NKX2-2: variants seen among roughly 807,000 people sequenced by gnomAD.
The protein encoded by NKX2-2 is homeobox protein Nkx-2.2.
In NKX2-2, 8 loss-of-function variants were observed where a neutral mutation model predicts 24.6. The ratio of observed to expected loss-of-function variants is 0.32; its 90% CI spans 0.19 to 0.59. The LOEUF (loss-of-function observed/expected upper bound fraction) is 0.59. NKX2-2 is among the 20% of genes least tolerant of loss of function. The pLI, the probability that NKX2-2 is intolerant of heterozygous loss-of-function variation, is 0.86. For missense variants in NKX2-2, 381 were observed against 373.9 expected (o/e 1.02, Z -0.16); for synonymous variants, 217 against 173.3 (o/e 1.25, Z -1.98).
At position 21,512,375 on chromosome 20, in the gene NKX2-2, C is replaced by G; in HGVS notation, c.370G>C (p.Asp124His). The G allele has an allele frequency of 1.2e-6, 2 of 1,602,136 alleles. No homozygotes were observed. Among genetic ancestry groups the G allele is most frequent in the East Asian group, 2.2e-5 (1 of 44,546 alleles). The change falls in exon 2 of 2, where the codon GAC becomes CAC. Residue 124 changes from aspartate (D) to histidine (H), a missense_variant. By Grantham distance (81) the Asp-to-His change is moderately conservative. Around this residue, in one of 3 missense-constraint regions of NKX2-2, gnomAD observed 206 missense variants for 173.1 expected, o/e 1.19. Transcript: ENST00000377142. ...CGCCGCTTTCGCTTCTTGCCGGCGT[C>G]CCCCCCGCCGCCCGGGGTCTCCTTG... ...NDKETPGGGG[D>H]AGKKRKRRVL...
At chr20:21,512,600 C>A (rs908304023) in intron 1 of NKX2-2, 115 bp from the exon 2 acceptor site, 1 of 776,454 alleles carries the variant, frequency 1.3e-6, no homozygotes, top group Non-Finnish European at 2.0e-6. Flanking sequence ...CGCCTGGCAG[C>A]CCAGCCCCGC....
At chr20:21,521,749 C>G in the NKX2-2 span, among the ~76,000 whole-genome samples, 1 of 152,216 alleles carries the variant, frequency 6.6e-6, no homozygotes, top group African/African-American at 2.4e-5. Context: ...CCCCGCCAGC[C>G]GAGGCGCAAC....
chr20:21,512,003 T>G lies in NKX2-2; in HGVS notation c.742A>C (p.Asn248His), dbSNP rs766228125. The G allele has an allele frequency of 8.7e-6, 14 of 1,613,186 alleles. No homozygotes were observed. The highest frequency in any genetic ancestry group is 1.2e-5 in the Non-Finnish European group (14 of 1,179,928). The change falls in exon 2 of 2, where the codon AAC becomes CAC. Residue 248 changes from asparagine (N) to histidine (H), a missense_variant. Transcript: ENST00000377142. ...SAQSLQHMQY[N>H]AQYSSASTPQ... ...GTGCTGGCCGAGCTGTACTGGGCGT[T>G]GTACTGCATGTGCTGCAGCGACTGC...
chr20:21,516,915 C>T (rs1231721038), upstream of NKX2-2, among the ~76,000 whole-genome samples: 1 of 152,200 alleles, frequency 6.6e-6, no homozygotes, highest in African/African-American at 2.4e-5. Flanking sequence ...CAACTTCTCT[C>T]CCCCTTCCCC....
chr20:21,515,077 C>T (rs998935998), upstream of NKX2-2, among the ~76,000 whole-genome samples: 56 of 152,178 alleles, frequency 3.7e-4, no homozygotes, highest in Non-Finnish European at 6.5e-4. Flanking sequence ...GAGTGAGGAG[C>T]TCCAACTTCG....
the NKX2-2 span, among the ~76,000 whole-genome samples, chr20:21,522,644 G>C: frequency 6.6e-6 from 1 of 151,684 alleles, no homozygotes; most frequent in East Asian, 1.9e-4. Flanking sequence ...AGTCGCGGGC[G>C]GCTGCGGAGT....
rs1202268518 is a variant in NKX2-2, at chr20:21,511,256, C to CAAAAACAAAAAACAAAAA, written c.*666_*667insTTTTTGTTTTTTGTTTTT. The CAAAAACAAAAAACAAAAA allele has an allele frequency of 2.6e-5, 4 of 151,548 alleles. No homozygotes were observed. The East Asian group carries it at 7.8e-4, about 29-fold the overall frequency. The allele number at this position is 151,548 out of a possible 1,614,324, so 9.4% of individuals were successfully genotyped here. A position where few individuals can be genotyped will look rare whatever the true frequency, so the allele number is the denominator to read the frequency against. ...AAGAAAGCAGGGGAAAACGCAAAAA[C>CAAAAACAAAAAACAAAAA]AAAAACAAAACAAAAAACAAACCCA... On this transcript the variant is annotated 3_prime_UTR_variant, in exon 2 of 2. Coordinates refer to ENST00000377142, the MANE Select transcript of NKX2-2 (RefSeq NM_002509.4).
chr20:21,516,262 G>T (rs1207068423), upstream of NKX2-2, among the ~76,000 whole-genome samples: 2 of 151,950 alleles, frequency 1.3e-5, no homozygotes, highest in East Asian at 1.9e-4. Flanking sequence ...TCATGTCGAC[G>T]CTCCCCGATT....
Position 21,513,595 on chromosome 20 carries a change from C to G in NKX2-2, c.75G>C (p.Glu25Asp), listed in dbSNP as rs761638326. The G allele has an allele frequency of 1.1e-5, 17 of 1,613,350 alleles. No homozygotes were observed. The highest frequency in any genetic ancestry group is 1.3e-5 in the Non-Finnish European group (15 of 1,179,704). The change falls in exon 1 of 2, where the codon GAG becomes GAC. Residue 25 changes from glutamate to aspartate, a missense_variant. Glu to Asp is a conservative substitution (Grantham distance 45). Transcript: ENST00000377142. This position sits in a 1 kb window ranked among gnomAD's most constrained non-coding sequence, Gnocchi z 4.6. ...ILDLPDTNDE[E>D]GSVAEGPEEE... ...CCTCCGGACCTTCGGCCACAGAGCC[C>G]TCCTCATCGTTGGTGTCCGGCAGGT...
At chr20:21,522,087 C>T in the NKX2-2 span, among the ~76,000 whole-genome samples, 5 of 152,238 alleles carry the variant, frequency 3.3e-5, no homozygotes, top group Non-Finnish European at 5.9e-5. Flanking sequence ...CACCTGGCCT[C>T]GGCGGCTGGT....
rs150594923 is a variant in NKX2-2, at chr20:21,511,850, C to G, written c.*73G>C. On this transcript the variant is annotated 3_prime_UTR_variant, in exon 2 of 2. Transcript: ENST00000377142. ...TAATAATAATAACCACCATAAGGAC[C>G]GAGGCCTCCTCGCCGCCACCGCCGC... The G allele has an allele frequency of 2.6e-6, 3 of 1,143,132 alleles. No homozygotes were observed. The highest frequency in any genetic ancestry group is 4.8e-5 in the Admixed American group (2 of 41,972). The allele number at this position is 1,143,132 out of a possible 1,614,324, so 70.8% of individuals were successfully genotyped here. A position where few individuals can be genotyped will look rare whatever the true frequency, so the allele number is the denominator to read the frequency against.
rs1041612494 is a variant in NKX2-2 at position 21,512,424 on chromosome 20, C to A, written c.321G>T (p.Ser107=). The change falls in exon 2 of 2, where the codon TCG becomes TCT. Residue 107 remains serine, a synonymous_variant. Coordinates refer to ENST00000377142, the MANE Select transcript of NKX2-2 (RefSeq NM_002509.4). ...TGTCATTGTCCGGTGACTCGTCGGCCGAGGGCTCCGGGGACTTGGAGCTTG... is the reference window on the plus strand; with the variant it reads ...TGTCATTGTCCGGTGACTCGTCGGCAGAGGGCTCCGGGGACTTGGAGCTTG... ...QDSSSKSPEP[S]ADESPDNDKE... The A allele has an allele frequency of 1.9e-6, 3 of 1,593,104 alleles. No individual in the cohort carries two copies. The highest frequency in any genetic ancestry group is 1.7e-6 in the Non-Finnish European group (2 of 1,175,162).
upstream of NKX2-2, among the ~76,000 whole-genome samples, chr20:21,517,166 C>A (rs1980661200): frequency 6.6e-6 from 1 of 152,186 alleles, no homozygotes. Context: ...TGCCCCTTAG[C>A]CTCAATGACC....
Position 21,512,068 on chromosome 20 carries a change from G to A in NKX2-2, c.677C>T (p.Ala226Val), listed in dbSNP as rs370551356. 1.9e-4 allele frequency: 304 copies of A among 1,613,836 alleles called. 2 individuals are homozygous for A. The South Asian group carries it at 3.1e-3, about 17-fold the overall frequency. ...HALKAQDLAA[A>V]TFQAGIPFSA... ...AAAGGGAATGCCCGCCTGGAAGGTG[G>A]CGGCTGCCAGGTCCTGGGCTTTGAG... is the stretch of plus-strand genomic sequence containing the variant. Residue 226 changes from alanine (A) to valine (V), a missense_variant, in exon 2 of 2, where the codon GCC becomes GTC. By Grantham distance (64) the Ala-to-Val change is moderately conservative. Transcript: ENST00000377142.
upstream of NKX2-2, among the ~76,000 whole-genome samples, chr20:21,514,542 A>G (rs1306487479): frequency 2.0e-5 from 3 of 152,078 alleles, no homozygotes; most frequent in African/African-American, 4.8e-5. Flanking sequence ...CAAAACAGAA[A>G]CCAGGAGGAG....
chr20:21,516,438 C>CT (rs1235987418), upstream of NKX2-2, among the ~76,000 whole-genome samples: 2 of 151,660 alleles, frequency 1.3e-5, no homozygotes, highest in Non-Finnish European at 2.9e-5. Context: ...TCTCAGCGCC[C>CT]CCCCTCCTCC....
Position 21,513,725 on chromosome 20 carries a change from T to C in NKX2-2, c.-56A>G. The C allele has an allele frequency of 9.2e-7, 1 of 1,083,010 alleles. No individual in the cohort carries two copies. The allele number at this position is 1,083,010 out of a possible 1,614,324, so 67.1% of individuals were successfully genotyped here. On this transcript the variant is annotated 5_prime_UTR_variant, in exon 1 of 2. Transcript: ENST00000377142. The surrounding 1 kb of genome is among the most constrained non-coding windows in gnomAD (Gnocchi z 4.6). ...GTTGTAGCTTCACTTGGTCAATTCG[T>C]GGCGCTCCCCTGCCCCGGCGGGCGG...
chr20:21,515,489 C>T (rs905011241), upstream of NKX2-2, among the ~76,000 whole-genome samples: 3 of 152,132 alleles, frequency 2.0e-5, no homozygotes, highest in African/African-American at 7.2e-5. Context: ...TCCAGCCACT[C>T]TCGGCTCTGG....
chr20:21,512,669 G>A (rs984740938), intron 1 of NKX2-2, among the ~76,000 whole-genome samples, 184 bp from the exon 2 acceptor site: 1 of 152,174 alleles, frequency 6.6e-6, no homozygotes, highest in Non-Finnish European at 1.5e-5. Context: ...GGACCTCCCA[G>A]GGTAAAGAGG....
Sources: gnomAD v4.1 joint callset for allele counts (sites outside exome capture counted in the v4.1 genomes callset) on GRCh38, gnomAD v4.1.1 for gene constraint, gnomAD v4.1.1 regional missense constraint, Gnocchi (gnomAD v3.1) non-coding constraint, MANE v1.5 for transcripts, NCBI Gene and HGNC (gene_info 2026-07-23, HGNC 2026-07-21) for gene names.